SLC60A2: variants seen among roughly 807,000 people sequenced by gnomAD.
SLC60A2 encodes the protein major facilitator superfamily domain containing 4B.
At chr6:111,271,195 G>GAAAAAAAAA in the SLC60A2 span, 1 of 113,720 alleles carries the variant, frequency 8.8e-6, no homozygotes, top group African/African-American at 3.3e-5. Flanking sequence ...AAAAAAAAAG[G>GAAAAAAAAA]AAATACAGTT....
the SLC60A2 span, among the ~76,000 whole-genome samples, chr6:111,261,441 C>A: frequency 1.3e-5 from 2 of 152,174 alleles, no homozygotes; most frequent in South Asian, 4.1e-4. Flanking sequence ...GCATGCGCCA[C>A]CACGCCTGGC....
chr6:111,274,753 C>T, the SLC60A2 span, among the ~76,000 whole-genome samples: 1 of 152,112 alleles, frequency 6.6e-6, no homozygotes, highest in Non-Finnish European at 1.5e-5. Context: ...ATGTATTAAG[C>T]ATTTCTTGTA....
chr6:111,259,391 TCTC>T, the SLC60A2 span: 1 of 378,450 alleles, frequency 2.6e-6, no homozygotes, highest in Non-Finnish European at 4.7e-6. Flanking sequence ...AAGTTCCTCT[TCTC>T]TGCCCCGGTT....
the SLC60A2 span, among the ~76,000 whole-genome samples, chr6:111,277,263 C>T: frequency 1.3e-5 from 2 of 152,328 alleles, no homozygotes; most frequent in Non-Finnish European, 2.9e-5. Context: ...TCATCTGCAT[C>T]AGAACTGGAA....
At chr6:111,270,250 G>C in the SLC60A2 span, 1 of 152,144 alleles carries the variant, frequency 6.6e-6, no homozygotes, top group African/African-American at 2.4e-5. Context: ...CCATATTCTA[G>C]CGTCTAGAAG....
At chr6:111,279,284 CAG>C in the SLC60A2 span, among the ~76,000 whole-genome samples, 17 of 147,720 alleles carry the variant, frequency 1.2e-4, no homozygotes, top group Non-Finnish European at 1.9e-4. Context: ...TTTTTTGAGA[CAG>C]AGTCTCGCTC....
At chr6:111,262,257 G>A in the SLC60A2 span, 11 of 1,607,514 alleles carry the variant, frequency 6.8e-6, no homozygotes, top group African/African-American at 1.2e-4. Context: ...TAAATTTTAG[G>A]GATTGAGTGT....
At chr6:111,279,006 T>C in the SLC60A2 span, among the ~76,000 whole-genome samples, 1 of 152,236 alleles carries the variant, frequency 6.6e-6, no homozygotes, top group Non-Finnish European at 1.5e-5. Flanking sequence ...TGTTTAAAAA[T>C]GACTGATGCC....
the SLC60A2 span, among the ~76,000 whole-genome samples, chr6:111,259,911 C>CTTTTT: frequency 1.7e-4 from 21 of 121,166 alleles, no homozygotes; most frequent in African/African-American, 4.2e-4. Flanking sequence ...CTCCAGCAAG[C>CTTTTT]TTTTTTTTTT....
chr6:111,266,001 A>G, the SLC60A2 span: 12,443 of 1,614,100 alleles, frequency 7.7e-3, 81 homozygotes, highest in Non-Finnish European at 9.2e-3. Flanking sequence ...TTTGGGTCCG[A>G]CAGCGTCTGC....
chr6:111,267,671 A>G, the SLC60A2 span: 1 of 152,312 alleles, frequency 6.6e-6, no homozygotes. Context: ...AATACAAAAA[A>G]TTAGCCAGGC....
chr6:111,260,841 G>A, the SLC60A2 span, among the ~76,000 whole-genome samples: 3 of 152,210 alleles, frequency 2.0e-5, no homozygotes, highest in African/African-American at 7.2e-5. Context: ...GAACTAATTT[G>A]ATTAGATTCT....
At chr6:111,274,955 C>A in the SLC60A2 span, among the ~76,000 whole-genome samples, 1 of 152,090 alleles carries the variant, frequency 6.6e-6, no homozygotes, top group Non-Finnish European at 1.5e-5. Flanking sequence ...CAGGATCTCC[C>A]TCTATTGCCC....
chr6:111,259,348 G>T, the SLC60A2 span: 3 of 308,960 alleles, frequency 9.7e-6, no homozygotes, highest in African/African-American at 6.4e-5. Flanking sequence ...TGGAGAGCGA[G>T]CGTCTTTTGC....
the SLC60A2 span, among the ~76,000 whole-genome samples, chr6:111,273,769 A>C: frequency 6.6e-6 from 1 of 152,080 alleles, no homozygotes; most frequent in Admixed American, 6.5e-5. Flanking sequence ...TCTGTTACCC[A>C]GGCTGGAGTG....
chr6:111,265,130 TA>T, the SLC60A2 span: 1 of 246,572 alleles, frequency 4.1e-6, no homozygotes, highest in Non-Finnish European at 6.5e-6. Flanking sequence ...TGTTTACTCC[TA>T]AAACCAGCTT....
the SLC60A2 span, among the ~76,000 whole-genome samples, chr6:111,264,263 A>G: frequency 5.3e-5 from 8 of 152,178 alleles, no homozygotes; most frequent in African/African-American, 1.9e-4. Flanking sequence ...CTTGGGGTAG[A>G]ACTTTATTGC....
the SLC60A2 span, chr6:111,269,519 G>A: frequency 6.6e-6 from 1 of 152,068 alleles, no homozygotes; most frequent in African/African-American, 2.4e-5. Context: ...TTTTTATAGT[G>A]TAAATTTCCC....
At chr6:111,266,622 TCTG>T in the SLC60A2 span, 102 of 1,614,038 alleles carry the variant, frequency 6.3e-5, no homozygotes, top group Non-Finnish European at 8.4e-5. Context: ...CCATGGGAAA[TCTG>T]CAGCATTTTT....
Sources: allele counts gnomAD v4.1 joint callset (sites outside exome capture counted in the v4.1 genomes callset), GRCh38; gene constraint gnomAD v4.1.1; transcripts MANE v1.5; gene names NCBI Gene and HGNC (gene_info 2026-07-23, HGNC 2026-07-21).